GALNT11: variants seen among roughly 807,000 people sequenced by gnomAD.
GALNT11 encodes the protein UDP-GalNAc:polypeptide N-acetylgalactosaminyltransferase 11.
A neutral mutation model predicts 72.7 loss-of-function variants in GALNT11; 47 were observed. The ratio of observed to expected loss-of-function variants is 0.65; its 90% confidence interval spans 0.51 to 0.82. GALNT11 has a LOEUF of 0.82. GALNT11 is among the 40% of genes least tolerant of loss of function. The pLI is 0.00. For missense variants in GALNT11, 677 were observed against 778.4 expected (o/e 0.87, Z 1.55); for synonymous variants, 270 against 286.6 (o/e 0.94, Z 0.58).
intron 6 of GALNT11, 147 bp from the exon 7 acceptor site, chr7:152,110,381 A>AT (rs1392110897): frequency 1.5e-6 from 1 of 687,666 alleles, no homozygotes; most frequent in Non-Finnish European, 2.5e-6. Context: ...GGCCTGGCTC[A>AT]TTCTCTGATA....
chr7:152,094,534 A>G lies in GALNT11; in HGVS notation c.295+12A>G, dbSNP rs1278067168. 1.3e-6 allele frequency: 2 copies of G among 1,583,066 alleles called. No homozygotes were observed. Among genetic ancestry groups the G allele is most frequent in the Non-Finnish European group, 1.7e-6 (2 of 1,163,360 alleles). ...CTCTTCTGAATTAGGTAAGTATATG[A>G]TGTTTACCAGCATCCATATCAATGT... On this transcript the variant is annotated intron_variant, in intron 2 of 11. Coordinates refer to ENST00000430044, the MANE Select transcript of GALNT11 (RefSeq NM_022087.4). This position sits in a 1 kb window ranked among gnomAD's most constrained non-coding sequence, Gnocchi z 4.3.
chr7:152,087,231 G>A (rs1046032406), intron 1 of GALNT11, among the ~76,000 whole-genome samples: 1 of 152,208 alleles, frequency 6.6e-6, no homozygotes, highest in Admixed American at 6.5e-5. Context: ...GGAAGACCAG[G>A]TTTAATGTTT....
At chr7:152,050,418 G>A (rs1442221464) in intron 1 of GALNT11, among the ~76,000 whole-genome samples, 1 of 152,206 alleles carries the variant, frequency 6.6e-6, no homozygotes, top group East Asian at 1.9e-4. Flanking sequence ...TGGGACATTT[G>A]GTGTCCAGGG....
At chr7:152,072,187 C>T (rs1038672572) in intron 1 of GALNT11, among the ~76,000 whole-genome samples, 11 of 149,800 alleles carry the variant, frequency 7.3e-5, no homozygotes, top group East Asian at 4.0e-4. Context: ...GGCATGTTGG[C>T]GCACGTCTGT....
At position 152,108,254 on chromosome 7, in the gene GALNT11, TAG is replaced by T; in HGVS notation, c.930_931del (p.Gly311ThrfsTer28). The T allele has an allele frequency of 6.2e-7, 1 of 1,613,426 alleles. No individual in the cohort carries two copies. The highest frequency in any genetic ancestry group is 8.5e-7 in the Non-Finnish European group (1 of 1,179,358). On this transcript the variant is annotated frameshift_variant, in exon 6 of 12. Coordinates refer to ENST00000430044, the MANE Select transcript of GALNT11 (RefSeq NM_022087.4). LOFTEE classifies it high-confidence loss of function. ...TGGGATCTTGTCCCCCTTTCTGAGCTAGGACGAGCGGAGGGAGCCACTGCACC... is the reference window on the plus strand; with the variant it reads ...TGGGATCTTGTCCCCCTTTCTGAGCTGACGAGCGGAGGGAGCCACTGCACC...
At chr7:152,097,188 A>G (rs1039091679) in intron 2 of GALNT11, among the ~76,000 whole-genome samples, 1 of 152,210 alleles carries the variant, frequency 6.6e-6, no homozygotes, top group Non-Finnish European at 1.5e-5. Context: ...AAATGGGCAA[A>G]GGATTTGATA....
In GALNT11 at chr7:152,039,984, T is replaced by C. The variant is rs1586947149; in HGVS notation, c.-39+14100T>C. ...TGTATGCGGGCTGTCCTGTAATCCATTTCCCCCTTTCTGTTTTTGCAACTG... is the reference window on the plus strand; with the variant it reads ...TGTATGCGGGCTGTCCTGTAATCCACTTCCCCCTTTCTGTTTTTGCAACTG... On this transcript the variant is annotated intron_variant, in intron 1 of 11. Coordinates refer to ENST00000430044, the MANE Select transcript of GALNT11 (RefSeq NM_022087.4). Among the ~76,000 whole-genome samples the C allele has an allele frequency of 2.0e-5, 3 of 152,166 alleles. No individual in the cohort carries two copies. In the South Asian group the frequency reaches 6.2e-4, roughly 32 times the overall value.
Position 152,094,672 on chromosome 7 carries a change from T to G in GALNT11, c.295+150T>G, listed in dbSNP as rs1587313337. ...GAACTACCTGAAGTTCTGTGGTTTCTGCAGACTCAGTGGGGAGTTATATTC... is the reference window on the plus strand; with the variant it reads ...GAACTACCTGAAGTTCTGTGGTTTCGGCAGACTCAGTGGGGAGTTATATTC... On this transcript the variant is annotated intron_variant, in intron 2 of 11. Transcript: ENST00000430044. This position sits in a 1 kb window ranked among gnomAD's most constrained non-coding sequence, Gnocchi z 4.3. 1 of 864,086 alleles carries G rather than the reference T, an allele frequency of 1.2e-6. No individual in the cohort carries two copies. Among genetic ancestry groups the G allele is most frequent in the East Asian group, 2.8e-5 (1 of 35,986 alleles). 53.5% of individuals were successfully genotyped at this position (864,086 alleles called of 1,614,324 possible).
intron 1 of GALNT11, among the ~76,000 whole-genome samples, chr7:152,037,156 G>A (rs2082620742): frequency 6.6e-6 from 1 of 152,128 alleles, no homozygotes. Context: ...TCAATGTTCT[G>A]GAGATTTTCT....
chr7:152,050,167 C>G (rs1230877662), intron 1 of GALNT11, among the ~76,000 whole-genome samples: 2 of 151,940 alleles, frequency 1.3e-5, no homozygotes, highest in Non-Finnish European at 2.9e-5. Context: ...CTCTCCTTTT[C>G]TCAAGCAGAA....
At chr7:152,099,530 GTTT>G (rs1009548038) in intron 2 of GALNT11, among the ~76,000 whole-genome samples, 1 of 57,790 alleles carries the variant, frequency 1.7e-5, no homozygotes, top group African/African-American at 7.5e-5. Flanking sequence ...CTCCCGCCTA[GTTT>G]TTTTTTTTTT....
chr7:152,054,155 C>T (rs1486021039), intron 1 of GALNT11, among the ~76,000 whole-genome samples: 2 of 151,700 alleles, frequency 1.3e-5, no homozygotes, highest in Admixed American at 6.6e-5. Flanking sequence ...TTAATTTTGC[C>T]CATCACCTTT....
chr7:152,049,988 A>G (rs1416739328), intron 1 of GALNT11, among the ~76,000 whole-genome samples: 1 of 152,066 alleles, frequency 6.6e-6, no homozygotes, highest in Non-Finnish European at 1.5e-5. Context: ...GCCAGGCCTG[A>G]GACTCTCCCT....
At chr7:152,053,547 T>C (rs752973606) in intron 1 of GALNT11, among the ~76,000 whole-genome samples, 7 of 152,266 alleles carry the variant, frequency 4.6e-5, no homozygotes, top group East Asian at 1.9e-4. Context: ...TATATCTTTA[T>C]TGTAGCACAC....
intron 1 of GALNT11, among the ~76,000 whole-genome samples, chr7:152,065,831 TG>T (rs1438935773): frequency 6.6e-6 from 1 of 152,170 alleles, no homozygotes. Context: ...CCCAGCTATG[TG>T]GGGTGTCAGT....
intron 2 of GALNT11, among the ~76,000 whole-genome samples, chr7:152,098,513 G>A (rs931935288): frequency 6.6e-6 from 1 of 151,738 alleles, no homozygotes; most frequent in Non-Finnish European, 1.5e-5. Flanking sequence ...AATTGAAAAG[G>A]GTCCTCTGGC....
In GALNT11 at chr7:152,041,341, T is replaced by A. The variant is rs970545514; in HGVS notation, c.-39+15457T>A. On this transcript the variant is annotated intron_variant, in intron 1 of 11. Coordinates refer to ENST00000430044, the MANE Select transcript of GALNT11 (RefSeq NM_022087.4). The stretch of plus-strand genomic sequence containing the variant: ...ATACCCACAAAGTCAGCTAAATGGG[T>A]TTGCCAAGTAAGACTATTTATAAAA... 3.2e-4 allele frequency among the ~76,000 whole-genome samples: 48 copies of A among 152,184 alleles called. 2 individuals are homozygous for A. Among genetic ancestry groups the A allele is most frequent in the Non-Finnish European group, 1.5e-4 (10 of 68,036 alleles).
At chr7:152,037,407 T>C (rs2082633021) in intron 1 of GALNT11, among the ~76,000 whole-genome samples, 1 of 152,208 alleles carries the variant, frequency 6.6e-6, no homozygotes, top group Non-Finnish European at 1.5e-5. Flanking sequence ...CTCCATTCTG[T>C]TTCATTGGTC....
At chr7:152,044,064 G>A (rs776077449) in intron 1 of GALNT11, among the ~76,000 whole-genome samples, 10 of 152,190 alleles carry the variant, frequency 6.6e-5, no homozygotes, top group African/African-American at 2.2e-4. Context: ...CAGCTTGGTC[G>A]TGGAGACCCT....
Sources: allele counts gnomAD v4.1 joint callset (sites outside exome capture counted in the v4.1 genomes callset), GRCh38; gene constraint gnomAD v4.1.1; non-coding constraint Gnocchi (gnomAD v3.1); transcripts MANE v1.5; gene names NCBI Gene and HGNC (gene_info 2026-07-23, HGNC 2026-07-21).